ITPR1: variants seen among roughly 807,000 people sequenced by gnomAD.
The protein encoded by ITPR1 is inositol 1,4,5-trisphosphate receptor type 1.
A neutral mutation model predicts 318.4 loss-of-function variants in ITPR1; 96 were observed. The ratio of observed to expected loss-of-function variants is 0.30; its 90% CI spans 0.26 to 0.36. The LOEUF is 0.36. Ranked by LOEUF, ITPR1 falls within the 10% of genes least tolerant of loss-of-function variation. ITPR1 has a pLI of 1.00. For missense variants in ITPR1, 2,440 were observed against 3,460.2 expected (o/e 0.71, Z 7.40); for synonymous variants, 1,312 against 1,289.9 (o/e 1.02, Z -0.37).
intron 4 of ITPR1, among the ~76,000 whole-genome samples, chr3:4,535,557 C>T (rs2083792779): frequency 6.7e-6 from 1 of 148,574 alleles, no homozygotes; most frequent in African/African-American, 2.5e-5. Flanking sequence ...ATTCTCCTGC[C>T]TCAGCCTCCC....
At chr3:4,576,036 G>T (rs1458690268) in intron 4 of ITPR1, among the ~76,000 whole-genome samples, 2 of 146,544 alleles carry the variant, frequency 1.4e-5, no homozygotes, top group Non-Finnish European at 3.0e-5. Context: ...AAAAAAAAAA[G>T]AAATGTGGCT....
rs533106827 is a variant in ITPR1, at chr3:4,577,230, C to T, written c.164-50533C>T. ...ACGAGCCACACGGCTCTCTGTGCAG[C>T]TGCAGTGTTTGAATGGCTTTCTAGT... On this transcript the variant is annotated intron_variant, in intron 4 of 61. Transcript: ENST00000649015. Among the ~76,000 whole-genome samples, 18 of 152,340 alleles carry T rather than the reference C, an allele frequency of 1.2e-4. 1 individual carries two copies. Among genetic ancestry groups the T allele is most frequent in the African/African-American group, 4.1e-4 (17 of 41,582 alleles).
chr3:4,548,024 A>G (rs2085196603), intron 4 of ITPR1, among the ~76,000 whole-genome samples: 1 of 152,210 alleles, frequency 6.6e-6, no homozygotes, highest in East Asian at 1.9e-4. Flanking sequence ...GTTGAATTTA[A>G]TAATCAGACC....
At chr3:4,600,052 A>C (rs1344176414) in intron 4 of ITPR1, among the ~76,000 whole-genome samples, 3 of 152,204 alleles carry the variant, frequency 2.0e-5, no homozygotes, top group Non-Finnish European at 2.9e-5. Flanking sequence ...CTAGCATTGT[A>C]TGTACAAATG....
chr3:4,806,266 T>G lies in ITPR1; in HGVS notation c.7271T>G (p.Leu2424Arg). Residue 2424 changes from leucine to arginine, a missense_variant and splice_region_variant, in exon 55 of 62, where the codon CTG becomes CGG. Physicochemically the swap from Leu to Arg is moderately radical, Grantham distance 102. Coordinates refer to ENST00000649015, the MANE Select transcript of ITPR1 (RefSeq NM_001378452.1). ...GTCCATGAATTCTTCTACAGTCTGC[T>G]GGTGAGTACCTGGTGTGGAAATATT... is the stretch of plus-strand genomic sequence containing the variant. ...LFVHEFFYSL[L>R]LFDLVYREET... is the part of the protein sequence containing the mutation. 1 of 1,613,726 alleles carries G rather than the reference T, an allele frequency of 6.2e-7. No homozygotes were observed. The highest frequency in any genetic ancestry group is 8.5e-7 in the Non-Finnish European group (1 of 1,179,556).
At chr3:4,644,406 A>G (rs772458249) in intron 8 of ITPR1, among the ~76,000 whole-genome samples, 172 bp downstream of exon 8, 7 of 152,318 alleles carry the variant, frequency 4.6e-5, no homozygotes, top group Admixed American at 6.5e-5. Flanking sequence ...AGGTTGTGCA[A>G]CTGTGTGCAG....
At chr3:4,719,077 C>T (rs546380868) in intron 40 of ITPR1, among the ~76,000 whole-genome samples, 2 of 152,306 alleles carry the variant, frequency 1.3e-5, no homozygotes, top group Admixed American at 6.5e-5. Context: ...TTTGCTTGCT[C>T]AAGATAGAAC....
chr3:4,646,013 A>G (rs1351470134), intron 10 of ITPR1: 2 of 348,380 alleles, frequency 5.7e-6, no homozygotes, highest in Non-Finnish European at 1.1e-5. Context: ...GCAGAAGGAA[A>G]GAATAAGTAC....
intron 36 of ITPR1, among the ~76,000 whole-genome samples, chr3:4,704,818 C>G (rs1023988887): frequency 6.6e-6 from 1 of 151,538 alleles, no homozygotes; most frequent in East Asian, 1.9e-4. Flanking sequence ...GGGGTCGCTT[C>G]CTCATGACTA....
chr3:4,555,669 A>G (rs902790287), intron 4 of ITPR1, among the ~76,000 whole-genome samples: 4 of 152,226 alleles, frequency 2.6e-5, no homozygotes, highest in Admixed American at 2.6e-4. Flanking sequence ...ATTCCATAGT[A>G]TGGATGTGCC....
At chr3:4,516,720 A>G in intron 3 of ITPR1, 137 bp downstream of exon 3, 1 of 668,394 alleles carries the variant, frequency 1.5e-6, no homozygotes, top group Non-Finnish European at 2.6e-6. Context: ...ACAAACACCA[A>G]ATCTCATGTT....
chr3:4,546,034 G>A (rs2084962450), intron 4 of ITPR1, among the ~76,000 whole-genome samples: 1 of 152,148 alleles, frequency 6.6e-6, no homozygotes, highest in East Asian at 1.9e-4. Flanking sequence ...TTGCTCTTGA[G>A]TAAAACGGTC....
chr3:4,582,138 G>A (rs2089415808), intron 4 of ITPR1, among the ~76,000 whole-genome samples: 1 of 152,042 alleles, frequency 6.6e-6, no homozygotes, highest in African/African-American at 2.4e-5. Context: ...ACCAAGAAGT[G>A]CATTTGCCAG....
intron 36 of ITPR1, among the ~76,000 whole-genome samples, chr3:4,704,160 C>T (rs1043349463): frequency 5.9e-5 from 9 of 152,190 alleles, no homozygotes; most frequent in Admixed American, 5.9e-4. Flanking sequence ...TGCCTGTAAT[C>T]CCAGCACTTT....
intron 42 of ITPR1, 73 bp downstream of exon 42, chr3:4,727,246 G>GTGTGGC: frequency 1.9e-6 from 2 of 1,058,414 alleles, no homozygotes; most frequent in Non-Finnish European, 2.7e-6. Context: ...GCCACACACT[G>GTGTGGC]TGATTGAGAG....
intron 40 of ITPR1, among the ~76,000 whole-genome samples, chr3:4,723,907 C>T (rs919527358): frequency 3.3e-5 from 5 of 152,102 alleles, no homozygotes; most frequent in African/African-American, 9.7e-5. Context: ...TGCTTTTTCT[C>T]ATATGTTCTT....
chr3:4,680,564 T>C lies in ITPR1; in HGVS notation c.2979T>C (p.Asn993=). ...ACTTGAATCTTTAGTTTATTTTGAA[T>C]GTGAGGTTGGATTATAGGATCTCCT... ...KIIEILQFIL[N]VRLDYRISCL... The change falls in exon 25 of 62, where the codon AAT becomes AAC. Residue 993 remains asparagine, a synonymous_variant. Coordinates refer to ENST00000649015, the MANE Select transcript of ITPR1 (RefSeq NM_001378452.1). 3 of 1,613,232 alleles carry C rather than the reference T, an allele frequency of 1.9e-6. No individual in the cohort carries two copies. The highest frequency in any genetic ancestry group is 1.7e-4 in the Middle Eastern group (1 of 6,060).
intron 4 of ITPR1, among the ~76,000 whole-genome samples, chr3:4,598,308 G>A (rs1462976892): frequency 6.6e-6 from 1 of 152,182 alleles, no homozygotes; most frequent in African/African-American, 2.4e-5. Flanking sequence ...GGAGACCCTT[G>A]TTTGAACAGA....
intron 31 of ITPR1, among the ~76,000 whole-genome samples, chr3:4,690,401 C>T (rs1319403910): frequency 6.6e-6 from 1 of 152,106 alleles, no homozygotes; most frequent in Non-Finnish European, 1.5e-5. Context: ...CAGAGAAATG[C>T]AAATTAAGTT....
Sources: allele counts gnomAD v4.1 joint callset (sites outside exome capture counted in the v4.1 genomes callset), GRCh38; gene constraint gnomAD v4.1.1; transcripts MANE v1.5; gene names NCBI Gene and HGNC (gene_info 2026-07-23, HGNC 2026-07-21).